The following FGD6 variants were observed in gnomAD, a reference collection of about 807,000 sequenced individuals.
The protein encoded by FGD6 is FYVE, RhoGEF and PH domain containing 6.
Under a neutral mutation model 149.4 loss-of-function variants are expected in FGD6, and 90 were observed. That is an observed-to-expected ratio of 0.60 (90% CI 0.51 to 0.72). FGD6 has a LOEUF of 0.72. FGD6 is among the 30% of genes least tolerant of loss of function. The probability of loss-of-function intolerance (pLI) is 0.00; values close to 1 mark genes in which losing one functional copy is unlikely to be tolerated. For synonymous variants in FGD6, 527 were observed against 584.0 expected (o/e 0.90, Z 1.41); for missense variants, 1,437 against 1,684.8 (o/e 0.85, Z 2.57).
chr12:95,146,511 T>A (rs1049220359), intron 5 of FGD6, among the ~76,000 whole-genome samples: 2 of 152,144 alleles, frequency 1.3e-5, no homozygotes, highest in Non-Finnish European at 2.9e-5. Flanking sequence ...AAAAGCTGGG[T>A]AAATAAAATA....
intron 5 of FGD6, among the ~76,000 whole-genome samples, chr12:95,147,472 C>A (rs1042672750): frequency 6.6e-6 from 1 of 151,994 alleles, no homozygotes; most frequent in Admixed American, 6.6e-5. Flanking sequence ...TCTAAGTGAC[C>A]AAAATCTAGC....
intron 2 of FGD6, among the ~76,000 whole-genome samples, chr12:95,181,812 G>A (rs948801815): frequency 3.3e-5 from 5 of 152,072 alleles, no homozygotes; most frequent in African/African-American, 1.2e-4. Flanking sequence ...AAATTAGCTG[G>A]GCGTGGTGGC....
At chr12:95,211,740 A>AT (rs551799935) in intron 1 of FGD6, among the ~76,000 whole-genome samples, 208 of 152,148 alleles carry the variant, frequency 1.4e-3, no homozygotes, top group Middle Eastern at 6.8e-3. Context: ...GGGTTTCACC[A>AT]TGTTGATCAG....
intron 8 of FGD6, among the ~76,000 whole-genome samples, chr12:95,127,782 CAT>C (rs1208981803): frequency 1.3e-5 from 2 of 152,170 alleles, no homozygotes; most frequent in South Asian, 2.1e-4. Context: ...TTTTATATAA[CAT>C]AAATATTTTG....
chr12:95,200,354 A>G (rs1383587231), intron 2 of FGD6, among the ~76,000 whole-genome samples: 2 of 152,182 alleles, frequency 1.3e-5, no homozygotes, highest in African/African-American at 4.8e-5. Context: ...TTCTTTGTTC[A>G]GTGTTTATTA....
Position 95,092,431 on chromosome 12 carries a change from T to C in FGD6, c.3747+268A>G, listed in dbSNP as rs541697533. 4.6e-5 allele frequency among the ~76,000 whole-genome samples: 7 copies of C among 152,276 alleles called. No individual in the cohort carries two copies. In the East Asian group the frequency reaches 5.8e-4, roughly 13 times the overall value. On this transcript the variant is annotated intron_variant, in intron 16 of 20. Transcript: ENST00000343958. ...ATGTGAGGGCCTGTTTAATTGTGGA[T>C]TTGTTAGATTTTGTTTTTGAATCAG... is the stretch of plus-strand genomic sequence containing the variant.
At chr12:95,184,999 A>C (rs757200569) in intron 2 of FGD6, among the ~76,000 whole-genome samples, 6 of 151,988 alleles carry the variant, frequency 3.9e-5, no homozygotes, top group Non-Finnish European at 8.8e-5. Context: ...TCAGCCTCAC[A>C]AGGAGCTGGG....
chr12:95,146,599 C>G (rs1013679271), intron 5 of FGD6, among the ~76,000 whole-genome samples: 1 of 152,162 alleles, frequency 6.6e-6, no homozygotes, highest in Non-Finnish European at 1.5e-5. Context: ...AGTACCTCGA[C>G]TTCATCCTTA....
chr12:95,212,519 T>C (rs2056732885), intron 1 of FGD6, among the ~76,000 whole-genome samples: 1 of 152,242 alleles, frequency 6.6e-6, no homozygotes, highest in Non-Finnish European at 1.5e-5. Flanking sequence ...TTCCTTTATG[T>C]TCTTCCACCT....
chr12:95,114,494 G>A (rs983380878), intron 8 of FGD6, among the ~76,000 whole-genome samples: 1 of 40,576 alleles, frequency 2.5e-5, no homozygotes, highest in African/African-American at 6.9e-5. Flanking sequence ...ACACACACAC[G>A]TCAGACGTGC....
At chr12:95,205,392 A>G (rs2056687894) in intron 2 of FGD6, among the ~76,000 whole-genome samples, 4 of 152,258 alleles carry the variant, frequency 2.6e-5, no homozygotes, top group Admixed American at 2.6e-4. Flanking sequence ...TTGGTTGGTC[A>G]CATGTGTAGA....
chr12:95,090,277 G>A (rs1592825683), intron 17 of FGD6, among the ~76,000 whole-genome samples: 1 of 152,078 alleles, frequency 6.6e-6, no homozygotes, highest in Non-Finnish European at 1.5e-5. Context: ...CATCTATCTG[G>A]AGAATAATGA....
At chr12:95,135,853 C>T (rs1308921248) in intron 7 of FGD6, among the ~76,000 whole-genome samples, 1 of 152,156 alleles carries the variant, frequency 6.6e-6, no homozygotes. Context: ...TATGGCTCCC[C>T]GTTTTCTTTT....
intron 3 of FGD6, among the ~76,000 whole-genome samples, chr12:95,168,065 A>G (rs1389357518): frequency 2.8e-5 from 1 of 35,738 alleles, no homozygotes; most frequent in East Asian, 6.5e-4. Context: ...TGTATTACAC[A>G]CATTTTTTTT....
Position 95,217,362 on chromosome 12 carries a change from C to A in FGD6, c.-122G>T. 1 of 1,346,348 alleles carries A rather than the reference C, an allele frequency of 7.4e-7. No homozygotes were observed. The highest frequency in any genetic ancestry group is 9.8e-7 in the Non-Finnish European group (1 of 1,021,086). The allele number at this position is 1,346,348 out of a possible 1,614,324, so 83.4% of individuals were successfully genotyped here. A position where few individuals can be genotyped will look rare whatever the true frequency, so the allele number is the denominator to read the frequency against. ...CCGCAGCGCCCACATTCCGTCCCGCCGCCCCGCGGCGCAGCCTGAGCGCCA... is the reference window on the plus strand; with the variant it reads ...CCGCAGCGCCCACATTCCGTCCCGCAGCCCCGCGGCGCAGCCTGAGCGCCA... On this transcript the variant is annotated 5_prime_UTR_variant, in exon 1 of 21. Coordinates refer to ENST00000343958, the MANE Select transcript of FGD6 (RefSeq NM_018351.4).
intron 2 of FGD6, among the ~76,000 whole-genome samples, chr12:95,182,005 T>C (rs2136288553): frequency 6.6e-6 from 1 of 151,892 alleles, no homozygotes; most frequent in South Asian, 2.1e-4. Flanking sequence ...AAAGATGATG[T>C]TTCTCTTATT....
intron 15 of FGD6, 73 bp from the exon 16 acceptor site, chr12:95,092,918 C>G: frequency 6.6e-7 from 1 of 1,510,190 alleles, no homozygotes; most frequent in Non-Finnish European, 9.0e-7. Flanking sequence ...TGGCATCTCA[C>G]ACTACCAAGA....
intron 8 of FGD6, among the ~76,000 whole-genome samples, chr12:95,122,483 T>C (rs1179112770): frequency 6.6e-6 from 1 of 151,240 alleles, no homozygotes; most frequent in East Asian, 2.0e-4. Flanking sequence ...CCGTCTCTAC[T>C]AAAAATACAA....
chr12:95,112,701 A>G (rs1191176791), intron 9 of FGD6, among the ~76,000 whole-genome samples: 1 of 152,204 alleles, frequency 6.6e-6, no homozygotes, highest in East Asian at 1.9e-4. Flanking sequence ...ATGTGTGTGT[A>G]TCTGCGAGAG....
Sources: gnomAD v4.1 joint callset for allele counts (sites outside exome capture counted in the v4.1 genomes callset) on GRCh38, gnomAD v4.1.1 for gene constraint, MANE v1.5 for transcripts, NCBI Gene and HGNC (gene_info 2026-07-23, HGNC 2026-07-21) for gene names.